Variants in MBNL3 observed in about 807,000 individuals in gnomAD.
The protein encoded by MBNL3 is muscleblind like splicing regulator 3, also known as muscleblind-like protein 3.
Under a neutral mutation model 24.5 loss-of-function variants are expected in MBNL3, and 6 were observed. The observed-to-expected ratio is 0.25, with a 90% CI of 0.13 to 0.48. The LOEUF is 0.48. Among genes scored for constraint, MBNL3 ranks in the 20% least tolerant of loss-of-function variants. MBNL3 has a pLI of 0.99. For missense variants in MBNL3, 230 were observed against 293.5 expected, an observed-to-expected ratio of 0.78 and a Z score of 1.58; for synonymous variants, 100 against 101.7, an observed-to-expected ratio of 0.98 and a Z score of 0.10.
Position 132,448,450 on chromosome X carries a change from T to G in MBNL3, c.-703-8136A>C, listed in dbSNP as rs780555427. Among the ~76,000 whole-genome samples the G allele has an allele frequency of 3.6e-5, 4 of 112,248 alleles. No homozygotes were observed. The East Asian group carries it at 1.1e-3, about 31-fold the overall frequency. On this transcript the variant is annotated intron_variant, in intron 1 of 8. Transcript: ENST00000370853. ...TTGCATAGCGGTGTTTATAGTATTC[T>G]CTGATGGTAGTTTGCATTTCTGTGG...
At chrX:132,454,350 G>A (rs1051838042) in intron 1 of MBNL3, among the ~76,000 whole-genome samples, 4 of 111,542 alleles carry the variant, frequency 3.6e-5, no homozygotes, top group Non-Finnish European at 5.6e-5. Context: ...GGTCACGTAA[G>A]GATAATTATT....
At chrX:132,408,092 CTTTTTTTTTTTTTTTTTTTTTTTTTTTTT>C (rs60044820) in intron 2 of MBNL3, among the ~76,000 whole-genome samples, 59 of 22,565 alleles carry the variant, frequency 2.6e-3, no homozygotes, top group South Asian at 0.013. Context: ...GAATTTCAGT[CTTTTTTTTTTTTTTTTTTTTTTTTTTTTT>C]TTTTTTTTTT....
In MBNL3 at chrX:132,439,597, A is replaced by G. The variant is rs151198546; in HGVS notation, c.15T>C (p.Asn5=). The change falls in exon 2 of 9, where the codon AAT becomes AAC. Residue 5 remains asparagine, a synonymous_variant. Coordinates refer to ENST00000370853, the MANE Select transcript of MBNL3 (RefSeq NM_001386889.1). ...ACTTGGTATCACGAATCAGGGCAAC[A>G]TTGACAGCCGTCATATTGAAAGCAA... MTAV[N]VALIRDTKWL... 301 of 1,198,766 alleles carry G rather than the reference A, an allele frequency of 2.5e-4. No homozygotes were observed. The highest frequency in any genetic ancestry group is 3.3e-4 in the Non-Finnish European group (297 of 890,424).
chrX:132,394,099 C>T (rs1033521342), intron 3 of MBNL3, among the ~76,000 whole-genome samples: 1 of 111,214 alleles, frequency 9.0e-6, no homozygotes, highest in African/African-American at 3.3e-5. Flanking sequence ...GCAAGACTCA[C>T]GAGGGTGAGT....
intron 5 of MBNL3, 138 bp from the exon 6 acceptor site, chrX:132,386,949 C>T: frequency 1.5e-6 from 1 of 681,533 alleles, no homozygotes; most frequent in East Asian, 3.4e-5. Context: ...TAAGCAGTGG[C>T]CCCACAGCAA....
intron 1 of MBNL3, among the ~76,000 whole-genome samples, chrX:132,453,695 T>A (rs1946226396): frequency 8.9e-6 from 1 of 111,850 alleles, no homozygotes; most frequent in Non-Finnish European, 1.9e-5. Flanking sequence ...AATAAGCTCA[T>A]ACCAGGAACT....
At chrX:132,466,335 A>G (rs1946882425) in intron 1 of MBNL3, among the ~76,000 whole-genome samples, 1 of 111,823 alleles carries the variant, frequency 8.9e-6, no homozygotes, top group South Asian at 3.7e-4. Context: ...CTTCATTTCC[A>G]CTTTTTACAG....
At chrX:132,387,024 G>A (rs1185537733) in intron 5 of MBNL3, among the ~76,000 whole-genome samples, 1 of 110,842 alleles carries the variant, frequency 9.0e-6, no homozygotes. Flanking sequence ...TGTAATCCCA[G>A]CACTTTGGGA....
At position 132,374,929 on chromosome X, in the gene MBNL3, T is replaced by C. The variant is rs773729025; in HGVS notation, c.*4737A>G. On this transcript the variant is annotated 3_prime_UTR_variant, in exon 9 of 9. Transcript: ENST00000370853. ...GTTATAAAAAAAGTTAGGTAATGTA[T>C]TAAAAATGCAATGATTGCGTTTTGA... The C allele has an allele frequency of 8.9e-6, 1 of 112,018 alleles. No individual in the cohort carries two copies. The highest frequency in any genetic ancestry group is 3.2e-5 in the African/African-American group (1 of 30,891). 9.2% of individuals were successfully genotyped at this position (112,018 alleles called of 1,213,427 possible). A position where few individuals can be genotyped will look rare whatever the true frequency, so the allele number is the denominator to read the frequency against.
At position 132,370,375 on chromosome X, in the gene MBNL3, A is replaced by C. The variant is rs1933509136; in HGVS notation, c.*9291T>G. The C allele has an allele frequency of 8.9e-6, 1 of 111,816 alleles. No individual in the cohort carries two copies. The highest frequency in any genetic ancestry group is 9.5e-5 in the Admixed American group (1 of 10,502). 9.2% of individuals were successfully genotyped at this position (111,816 alleles called of 1,213,427 possible). On this transcript the variant is annotated 3_prime_UTR_variant, in exon 9 of 9. Transcript: ENST00000370853. ...ACTATCTATTCAGTATTTTAGGTTC[A>C]TTATCATATCAGAACTTTCCAGATA...
chrX:132,459,652 A>AT (rs1180464125), intron 1 of MBNL3, among the ~76,000 whole-genome samples: 2 of 111,816 alleles, frequency 1.8e-5, no homozygotes, highest in Non-Finnish European at 3.8e-5. Context: ...CTTTTTATAT[A>AT]TTTTTTTCCC....
At position 132,371,001 on chromosome X, in the gene MBNL3, C is replaced by G. The variant is rs866937195; in HGVS notation, c.*8665G>C. 2 of 111,663 alleles carry G rather than the reference C, an allele frequency of 1.8e-5. No homozygotes were observed. The highest frequency in any genetic ancestry group is 3.8e-5 in the Non-Finnish European group (2 of 53,139). 9.2% of individuals were successfully genotyped at this position (111,663 alleles called of 1,213,427 possible). On this transcript the variant is annotated 3_prime_UTR_variant, in exon 9 of 9. Coordinates refer to ENST00000370853, the MANE Select transcript of MBNL3 (RefSeq NM_001386889.1). ...GCAGCCTCAAAGAGAAAGACATTAA[C>G]TGAATTCTGAAGAGGCCTAAGACCT...
In MBNL3 at chrX:132,460,292, T is replaced by C. The variant is rs187160108; in HGVS notation, c.-703-19978A>G. Reference sequence around the variant, plus strand: ...TTGGAAACTTTAAACAACTAGGTTCTTACTTAAGAGAACAAGAGAAACAAA... The same window carrying C: ...TTGGAAACTTTAAACAACTAGGTTCCTACTTAAGAGAACAAGAGAAACAAA... On this transcript the variant is annotated intron_variant, in intron 1 of 8. Transcript: ENST00000370853. Among the ~76,000 whole-genome samples the C allele has an allele frequency of 3.4e-3, 379 of 112,206 alleles. 3 individuals are homozygous for C. Among genetic ancestry groups the C allele is most frequent in the Non-Finnish European group, 5.0e-3 (265 of 53,174 alleles).
rs997590221 is a variant in MBNL3, at chrX:132,378,447, C to G, written c.*1219G>C. The G allele has an allele frequency of 9.0e-6, 1 of 111,699 alleles. No homozygotes were observed. Among genetic ancestry groups the G allele is most frequent in the African/African-American group, 3.3e-5 (1 of 30,750 alleles). The allele number at this position is 111,699 out of a possible 1,213,427, so 9.2% of individuals were successfully genotyped here. ...CTCATTTGCAACCAATTCTCTTTCA[C>G]CCTGACTGACTTTTGCTAGATTGCA... On this transcript the variant is annotated 3_prime_UTR_variant, in exon 9 of 9. Transcript: ENST00000370853.
At chrX:132,404,960 T>C (rs987719022) in intron 3 of MBNL3, among the ~76,000 whole-genome samples, 1 of 111,941 alleles carries the variant, frequency 8.9e-6, no homozygotes, top group Admixed American at 9.5e-5. Context: ...GGAATTAGAA[T>C]GAGGCACCAC....
intron 1 of MBNL3, among the ~76,000 whole-genome samples, chrX:132,445,040 T>A (rs1295370819): frequency 8.9e-6 from 1 of 111,901 alleles, no homozygotes; most frequent in Non-Finnish European, 1.9e-5. Context: ...TGCCAGTGCC[T>A]GGTCCAGAAG....
At chrX:132,428,949 A>T (rs1187474306) in intron 2 of MBNL3, among the ~76,000 whole-genome samples, 1 of 112,463 alleles carries the variant, frequency 8.9e-6, no homozygotes, top group Non-Finnish European at 1.9e-5. Flanking sequence ...TCTAGACAAA[A>T]GAGTTGAAAT....
intron 1 of MBNL3, among the ~76,000 whole-genome samples, chrX:132,485,888 C>T (rs747842749): frequency 5.3e-5 from 6 of 112,151 alleles, no homozygotes; most frequent in Non-Finnish European, 7.5e-5. Flanking sequence ...ATATCACATA[C>T]ATTTGAATGA....
chrX:132,434,626 G>T (rs1490684580), intron 2 of MBNL3, among the ~76,000 whole-genome samples: 2 of 111,706 alleles, frequency 1.8e-5, no homozygotes, highest in Non-Finnish European at 3.8e-5. Context: ...TTTTTTATTT[G>T]TCAAAACCAC....
Sources: allele counts gnomAD v4.1 joint callset (sites outside exome capture counted in the v4.1 genomes callset), GRCh38; gene constraint gnomAD v4.1.1; transcripts MANE v1.5; gene names NCBI Gene and HGNC (gene_info 2026-07-23, HGNC 2026-07-21).